The following ERMARD variants were observed in gnomAD, a reference collection of about 807,000 sequenced individuals.
The protein encoded by ERMARD is endoplasmic reticulum membrane-associated RNA degradation protein.
Under a neutral mutation model 83.9 loss-of-function variants are expected in ERMARD, and 71 were observed. That is an observed-to-expected ratio of 0.85 (90% CI 0.70 to 1.03). ERMARD has a LOEUF of 1.03. Ranked by LOEUF, ERMARD falls within the 50% of genes least tolerant of loss-of-function variation. ERMARD has a pLI of 0.00. For missense variants in ERMARD, 838 were observed against 810.9 expected (o/e 1.03, Z -0.41); for synonymous variants, 284 against 298.6 (o/e 0.95, Z 0.50).
chr6:169,777,280 C>T (rs966396978), intron 16 of ERMARD, among the ~76,000 whole-genome samples: 11 of 152,198 alleles, frequency 7.2e-5, no homozygotes, highest in African/African-American at 2.4e-4. Flanking sequence ...GGAAGATCAG[C>T]TAGCAACTAC....
At chr6:169,775,155 T>G in intron 13 of ERMARD, 115 bp from the exon 14 acceptor site, 1 of 1,128,000 alleles carries the variant, frequency 8.9e-7, no homozygotes, top group Non-Finnish European at 1.3e-6. Context: ...TTAAAATGTT[T>G]AGAATTTGTA....
chr6:169,761,577 C>G lies in ERMARD; in HGVS notation c.857+821C>G, dbSNP rs186108036. Reference sequence around the variant, plus strand: ...GACAGTCCTTTGATGACATTTTATTCTGTAGAAGCTACTAAAAATGGTTCA... The same window carrying G: ...GACAGTCCTTTGATGACATTTTATTGTGTAGAAGCTACTAAAAATGGTTCA... On this transcript the variant is annotated intron_variant, in intron 8 of 17. Coordinates refer to ENST00000366773, the MANE Select transcript of ERMARD (RefSeq NM_018341.3). Among the ~76,000 whole-genome samples the G allele has an allele frequency of 2.1e-3, 323 of 152,304 alleles. 1 individual carries two copies. Among genetic ancestry groups the G allele is most frequent in the Non-Finnish European group, 3.7e-3 (251 of 68,016 alleles).
chr6:169,769,690 G>A lies in ERMARD; in HGVS notation c.1210G>A (p.Asp404Asn), dbSNP rs1403644984. ...SLVLLLRFVDDCLLSVFKEKS... is the reference protein window; with the variant it reads ...SLVLLLRFVDNCLLSVFKEKS... ...TGTACTGCTACTCAGATTCGTTGAT[G>A]ACTGTCTGCTATCAGTTTTTAAGGT... The change falls in exon 12 of 18, where the codon GAC becomes AAC. Residue 404 changes from aspartate to asparagine, a missense_variant. Transcript: ENST00000366773. 6.2e-7 allele frequency: 1 copy of A among 1,607,166 alleles called. No individual in the cohort carries two copies. Among genetic ancestry groups the A allele is most frequent in the East Asian group, 2.2e-5 (1 of 44,710 alleles).
rs1444297173 is a variant in ERMARD, at chr6:169,755,289, G to T, written c.182G>T (p.Gly61Val). ...DCVSYTESEQ[G>V]LDYWGSVRLL... Reference sequence around the variant, plus strand: ...TGTTTTCTTATCCTTTAAGAGCAGGGTCTGGATTACTGGGGAAGCGTGAGG... The same window carrying T: ...TGTTTTCTTATCCTTTAAGAGCAGGTTCTGGATTACTGGGGAAGCGTGAGG... Residue 61 changes from glycine (G) to valine (V), a missense_variant, in exon 3 of 18, where the codon GGT (glycine) becomes GTT (valine). Transcript: ENST00000366773. 3 of 1,613,820 alleles carry T rather than the reference G, an allele frequency of 1.9e-6. No homozygotes were observed. Among genetic ancestry groups the T allele is most frequent in the African/African-American group, 2.7e-5 (2 of 74,892 alleles).
chr6:169,763,692 G>GT (rs1250976247), intron 9 of ERMARD, among the ~76,000 whole-genome samples: 4 of 152,206 alleles, frequency 2.6e-5, no homozygotes, highest in African/African-American at 9.7e-5. Flanking sequence ...CCCATCCTCT[G>GT]TTTCCTCTCC....
intron 12 of ERMARD, 22 bp from the exon 13 acceptor site, chr6:169,773,297 A>T (rs1331182111): frequency 6.2e-7 from 1 of 1,610,482 alleles, no homozygotes; most frequent in Non-Finnish European, 8.5e-7. Flanking sequence ...CATGATAGTA[A>T]CCACTGTTTT....
At chr6:169,751,441 T>G, upstream of ERMARD, 1 of 1,614,008 alleles carries the variant, frequency 6.2e-7, no homozygotes, top group Non-Finnish European at 8.5e-7. Context: ...ACTTCACGCC[T>G]CGGCCTCGCT....
chr6:169,773,392 T>C lies in ERMARD; in HGVS notation c.1307T>C (p.Leu436Pro). 6.2e-7 allele frequency: 1 copy of C among 1,614,172 alleles called. No homozygotes were observed. The highest frequency in any genetic ancestry group is 8.5e-7 in the Non-Finnish European group (1 of 1,180,006). The change falls in exon 13 of 18, where the codon CTT becomes CCT. Residue 436 changes from leucine to proline, a missense_variant. Leu to Pro is a moderately conservative substitution (Grantham distance 98, BLOSUM62 -3). Transcript: ENST00000366773. The stretch of plus-strand genomic sequence containing the variant: ...TCTCGCTGTCATCCGGTTTTTCAGC[T>C]TAAAAAACAGGTATGCCAAATGCAG... ...YSSRCHPVFQ[L>P]KKQVLSCEES...
chr6:169,781,350 A>G lies in ERMARD; in HGVS notation c.1874A>G (p.Gln625Arg), dbSNP rs1312942807. The G allele has an allele frequency of 6.2e-7, 1 of 1,606,256 alleles. No homozygotes were observed. Among genetic ancestry groups the G allele is most frequent in the East Asian group, 2.2e-5 (1 of 44,836 alleles). ...TACAGGTTTGTAAAGTCGATCTTGC[A>G]GTACACGGAGAACCTGGTGGCTTAC... ...QYLKFVKSIL[Q>R]YTENLVAYTS... is the part of the protein sequence containing the mutation. Residue 625 changes from glutamine (Q) to arginine (R), a missense_variant, in exon 18 of 18, where the codon CAG becomes CGG. Coordinates refer to ENST00000366773, the MANE Select transcript of ERMARD (RefSeq NM_018341.3).
chr6:169,779,148 C>A, intron 16 of ERMARD, 34 bp from the exon 17 acceptor site: 1 of 1,549,498 alleles, frequency 6.5e-7, no homozygotes, highest in Non-Finnish European at 8.9e-7. Flanking sequence ...ACCAACATAT[C>A]CTCACATTTT....
chr6:169,751,585 T>C (rs1790084571), upstream of ERMARD: 3 of 1,602,026 alleles, frequency 1.9e-6, no homozygotes, highest in African/African-American at 1.3e-5. Flanking sequence ...CCGCCAGGGC[T>C]CCAAAGCGCC....
intron 5 of ERMARD, among the ~76,000 whole-genome samples, chr6:169,757,782 G>A (rs1168761759): frequency 6.6e-6 from 1 of 152,196 alleles, no homozygotes; most frequent in Non-Finnish European, 1.5e-5. Context: ...CTTTTCTGTG[G>A]ATCTTTACTC....
chr6:169,763,949 C>T (rs2128349771), intron 9 of ERMARD, among the ~76,000 whole-genome samples: 1 of 152,360 alleles, frequency 6.6e-6, no homozygotes, highest in South Asian at 2.1e-4. Flanking sequence ...GTGAGTTTTC[C>T]TCAGCACCTC....
chr6:169,752,110 A>G (rs1345028523), intron 1 of ERMARD, among the ~76,000 whole-genome samples: 2 of 151,968 alleles, frequency 1.3e-5, no homozygotes, highest in African/African-American at 2.4e-5. Flanking sequence ...GGTCCCATCT[A>G]CTCCGTAGGC....
At chr6:169,777,979 C>T (rs1472635491) in intron 16 of ERMARD, among the ~76,000 whole-genome samples, 1 of 152,174 alleles carries the variant, frequency 6.6e-6, no homozygotes, top group East Asian at 1.9e-4. Flanking sequence ...GAGCCTATCC[C>T]GGCTGCTCTG....
chr6:169,772,970 TC>T, intron 12 of ERMARD: 1 of 218,490 alleles, frequency 4.6e-6, no homozygotes, highest in Non-Finnish European at 9.0e-6. Flanking sequence ...GTTTATGCGA[TC>T]CTTTTTTTAG....
At chr6:169,778,971 A>G (rs1223716118) in intron 16 of ERMARD, among the ~76,000 whole-genome samples, 1 of 152,232 alleles carries the variant, frequency 6.6e-6, no homozygotes, top group African/African-American at 2.4e-5. Context: ...GCGGACGTGC[A>G]GGATGGGCCG....
At chr6:169,760,082 T>C (rs1791345603) in intron 7 of ERMARD, 108 bp downstream of exon 7, 3 of 1,534,492 alleles carry the variant, frequency 2.0e-6, no homozygotes, top group Non-Finnish European at 2.6e-6. Flanking sequence ...GTAGTTGTTC[T>C]TCAGTAGTCG....
At chr6:169,753,312 C>T (rs899582682) in intron 1 of ERMARD, 1 of 154,264 alleles carries the variant, frequency 6.5e-6, no homozygotes, top group African/African-American at 2.4e-5. Flanking sequence ...GTTTTTATAT[C>T]GAAGAGGCAT....
Sources: allele counts gnomAD v4.1 joint callset (sites outside exome capture counted in the v4.1 genomes callset), GRCh38; gene constraint gnomAD v4.1.1; transcripts MANE v1.5; gene names NCBI Gene and HGNC (gene_info 2026-07-23, HGNC 2026-07-21).